ARHGEF18: variants seen among roughly 807,000 people sequenced by gnomAD.
The protein encoded by ARHGEF18 is rho guanine nucleotide exchange factor 18.
ARHGEF18 carries 93 observed loss-of-function variants against 155.7 expected under a neutral mutation model. The observed-to-expected ratio is 0.60, with a 90% confidence interval of 0.50 to 0.71. ARHGEF18 has a LOEUF of 0.71. ARHGEF18 is among the 30% of genes least tolerant of loss of function. ARHGEF18 has a pLI of 0.00. For synonymous variants in ARHGEF18, 742 were observed against 753.1 expected, an observed-to-expected ratio of 0.99 and a Z score of 0.24; for missense variants, 1,593 against 1,816.1, an observed-to-expected ratio of 0.88 and a Z score of 2.23.
chr19:7,475,010 A>G (rs1343642210), downstream of ARHGEF18, among the ~76,000 whole-genome samples: 1 of 152,030 alleles, frequency 6.6e-6, no homozygotes, highest in Non-Finnish European at 1.5e-5. Flanking sequence ...GAAGTGGGTG[A>G]ATCACTTGAG....
intron 3 of ARHGEF18, among the ~76,000 whole-genome samples, chr19:7,374,767 A>T (rs889704706): frequency 2.6e-5 from 4 of 152,164 alleles, no homozygotes; most frequent in Non-Finnish European, 5.9e-5. Flanking sequence ...GAGTACGGCC[A>T]CGATCAGCAC....
chr19:7,470,488 G>A lies in ARHGEF18; in HGVS notation c.*190G>A, dbSNP rs1208350088. ...TTGCAGCTGTTTCTGTAGGGTTAGC[G>A]GTGGTGCCGGGGTCACTTTCTGAAT... On this transcript the variant is annotated 3_prime_UTR_variant, in exon 29 of 29. Transcript: ENST00000668164. The surrounding 1 kb of genome is among the most constrained non-coding windows in gnomAD (Gnocchi z 5.9). 15 of 462,256 alleles carry A rather than the reference G, an allele frequency of 3.2e-5. No homozygotes were observed. Among genetic ancestry groups the A allele is most frequent in the African/African-American group, 1.8e-4 (9 of 49,586 alleles). The allele number at this position is 462,256 out of a possible 1,614,324, so 28.6% of individuals were successfully genotyped here.
At chr19:7,399,365 A>T (rs1971906379) in intron 10 of ARHGEF18, among the ~76,000 whole-genome samples, 1 of 152,148 alleles carries the variant, frequency 6.6e-6, no homozygotes, top group South Asian at 2.1e-4. Flanking sequence ...AACTAAATTA[A>T]ATTTGCTTGC....
chr19:7,422,391 C>T (rs4804601), intron 10 of ARHGEF18, among the ~76,000 whole-genome samples: 78,398 of 149,976 alleles, frequency 0.52, 21,087 homozygotes, highest in Middle Eastern at 0.73. Context: ...CCTGTAACCA[C>T]CTTCCCCACA....
At chr19:7,428,368 A>G (rs1204443841) in intron 10 of ARHGEF18, among the ~76,000 whole-genome samples, 1 of 152,000 alleles carries the variant, frequency 6.6e-6, no homozygotes, top group Non-Finnish European at 1.5e-5. Flanking sequence ...CTTCCAGCAG[A>G]ACCTGGTGAG....
At chr19:7,479,532 A>G in the ARHGEF18 span, among the ~76,000 whole-genome samples, 7 of 152,216 alleles carry the variant, frequency 4.6e-5, no homozygotes, top group Non-Finnish European at 7.4e-5. Context: ...ATCTCCATTT[A>G]GCAACCTCCT....
chr19:7,360,272 G>A (rs1219919863), intron 1 of ARHGEF18, among the ~76,000 whole-genome samples: 2 of 145,618 alleles, frequency 1.4e-5, no homozygotes, highest in Non-Finnish European at 3.0e-5. Context: ...GTCTCACTCT[G>A]TCACCCAGGC....
chr19:7,422,037 G>T (rs1190061424), intron 10 of ARHGEF18, among the ~76,000 whole-genome samples: 1 of 152,060 alleles, frequency 6.6e-6, no homozygotes, highest in Non-Finnish European at 1.5e-5. Flanking sequence ...TTCTGCCTCT[G>T]ACCTCCTGTC....
At position 7,462,055 on chromosome 19, in the gene ARHGEF18, C is replaced by T; in HGVS notation, c.2453-97C>T. Reference sequence around the variant, plus strand: ...GGGGGCAGCCTACCTCAGGGCAGGGCCAGCGGGGTTCCTCATCCTTAGGCC... The same window carrying T: ...GGGGGCAGCCTACCTCAGGGCAGGGTCAGCGGGGTTCCTCATCCTTAGGCC... On this transcript the variant is annotated intron_variant, in intron 20 of 28. Transcript: ENST00000668164. This position sits in a 1 kb window ranked among gnomAD's most constrained non-coding sequence, Gnocchi z 4.4. 6.8e-7 allele frequency: 1 copy of T among 1,461,138 alleles called. No homozygotes were observed. Among genetic ancestry groups the T allele is most frequent in the Non-Finnish European group, 9.5e-7 (1 of 1,051,950 alleles). The allele number at this position is 1,461,138 out of a possible 1,614,324, so 90.5% of individuals were successfully genotyped here. A position where few individuals can be genotyped will look rare whatever the true frequency, so the allele number is the denominator to read the frequency against.
At chr19:7,380,478 CAA>C (rs60460858) in intron 7 of ARHGEF18, among the ~76,000 whole-genome samples, 3 of 112,712 alleles carry the variant, frequency 2.7e-5, no homozygotes, top group Non-Finnish European at 3.7e-5. Flanking sequence ...GACTCCATCT[CAA>C]AAAAAAAAAA....
Position 7,372,986 on chromosome 19 carries a change from C to G in ARHGEF18, c.190C>G (p.Leu64Val). The change falls in exon 3 of 29, where the codon CTT (leucine) becomes GTT (valine). Residue 64 changes from leucine to valine, a missense_variant. Physicochemically the swap from Leu to Val is conservative, Grantham distance 32. Coordinates refer to ENST00000668164, the MANE Select transcript of ARHGEF18 (RefSeq NM_001367823.1). ...CGGTGAAGAACCAGGAAGAGATTCT[C>G]TTTTCTCCAGCTTGGCAGGGTCCCA... ...PTGEEPGRDS[L>V]FSSLAGSQDL... The G allele has an allele frequency of 8.1e-7, 1 of 1,234,514 alleles. No individual in the cohort carries two copies. Among genetic ancestry groups the G allele is most frequent in the Non-Finnish European group, 1.0e-6 (1 of 988,258 alleles). 76.5% of individuals were successfully genotyped at this position (1,234,514 alleles called of 1,614,324 possible). A position where few individuals can be genotyped will look rare whatever the true frequency, so the allele number is the denominator to read the frequency against.
In ARHGEF18 at chr19:7,471,571, G is replaced by A. The variant is rs1977022742; in HGVS notation, c.*1273G>A. 6.6e-6 allele frequency: 1 copy of A among 152,296 alleles called. No individual in the cohort carries two copies. Among genetic ancestry groups the A allele is most frequent in the South Asian group, 2.1e-4 (1 of 4,836 alleles). The allele number at this position is 152,296 out of a possible 1,614,324, so 9.4% of individuals were successfully genotyped here. Reference sequence around the variant, plus strand: ...GCCAAGTCCTTCTCCCGAACCCAGGGTCCTGGGAACTGCAGATCCCGGGGG... The same window carrying A: ...GCCAAGTCCTTCTCCCGAACCCAGGATCCTGGGAACTGCAGATCCCGGGGG... On this transcript the variant is annotated 3_prime_UTR_variant, in exon 29 of 29. Coordinates refer to ENST00000668164, the MANE Select transcript of ARHGEF18 (RefSeq NM_001367823.1). This position sits in a 1 kb window ranked among gnomAD's most constrained non-coding sequence, Gnocchi z 4.4.
At chr19:7,359,891 A>G (rs1825188409) in intron 1 of ARHGEF18, among the ~76,000 whole-genome samples, 1 of 152,208 alleles carries the variant, frequency 6.6e-6, no homozygotes, top group Admixed American at 6.5e-5. Flanking sequence ...ACAGTGGCTC[A>G]TGCCTGTAAT....
chr19:7,439,800 T>C (rs1026660005), intron 10 of ARHGEF18: 88 of 1,423,390 alleles, frequency 6.2e-5, no homozygotes, highest in Non-Finnish European at 7.7e-5. Flanking sequence ...CACCGTTTCA[T>C]GATCTTAGAC....
intron 10 of ARHGEF18, among the ~76,000 whole-genome samples, chr19:7,422,189 T>C (rs11260068): frequency 0.52 from 78,467 of 151,790 alleles, 20,898 homozygotes; most frequent in Middle Eastern, 0.72. Flanking sequence ...TAATGCAGGT[T>C]TAATCATGCC....
intron 10 of ARHGEF18, among the ~76,000 whole-genome samples, chr19:7,437,941 T>C (rs916286678): frequency 1.3e-5 from 2 of 151,312 alleles, no homozygotes; most frequent in African/African-American, 4.9e-5. Flanking sequence ...CTGCACCTGA[T>C]CTGACAAATC....
At chr19:7,446,810 C>T (rs1268606161) in intron 14 of ARHGEF18, among the ~76,000 whole-genome samples, 5 of 150,638 alleles carry the variant, frequency 3.3e-5, no homozygotes, top group Admixed American at 2.7e-4. Context: ...GCAGGAGCAT[C>T]GCTTGATCCC....
intron 1 of ARHGEF18, among the ~76,000 whole-genome samples, chr19:7,357,588 T>C (rs1294634224): frequency 6.6e-6 from 1 of 152,170 alleles, no homozygotes; most frequent in African/African-American, 2.4e-5. Context: ...CCCTGAGGCC[T>C]CATTTCTCCT....
chr19:7,436,801 C>G (rs1274721922), intron 10 of ARHGEF18, among the ~76,000 whole-genome samples: 3 of 152,138 alleles, frequency 2.0e-5, no homozygotes, highest in Non-Finnish European at 4.4e-5. Flanking sequence ...AATGCCTGTC[C>G]TGGACCGTGT....
Sources: gnomAD v4.1 joint callset for allele counts (sites outside exome capture counted in the v4.1 genomes callset) on GRCh38, gnomAD v4.1.1 for gene constraint, Gnocchi (gnomAD v3.1) non-coding constraint, MANE v1.5 for transcripts, NCBI Gene and HGNC (gene_info 2026-07-23, HGNC 2026-07-21) for gene names.